ANO3: variants seen among roughly 807,000 people sequenced by gnomAD.
ANO3 encodes the protein anoctamin-3.
A neutral mutation model predicts 144.8 loss-of-function variants in ANO3; 99 were observed. The ratio of observed to expected loss-of-function variants is 0.68; its 90% CI spans 0.58 to 0.81. ANO3 has a LOEUF of 0.81. Among genes scored for constraint, ANO3 ranks in the 30% least tolerant of loss-of-function variants. The probability of loss-of-function intolerance (pLI) is 0.00; values close to 1 mark genes in which losing one functional copy is unlikely to be tolerated. For synonymous variants in ANO3, 414 were observed against 392.6 expected (o/e 1.05, Z -0.64); for missense variants, 905 against 1,202.2 (o/e 0.75, Z 3.66).
intron 1 of ANO3, among the ~76,000 whole-genome samples, chr11:26,340,793 C>G (rs911654870): frequency 6.6e-6 from 1 of 152,154 alleles, no homozygotes; most frequent in Admixed American, 6.5e-5. Flanking sequence ...GTTTTCCTAA[C>G]GCTATCTTCC....
intron 1 of ANO3, among the ~76,000 whole-genome samples, chr11:26,242,164 A>G (rs1564930793): frequency 6.6e-6 from 1 of 152,168 alleles, no homozygotes; most frequent in Non-Finnish European, 1.5e-5. Flanking sequence ...ACAATGTTCA[A>G]ATTAATTAAA....
intron 1 of ANO3, among the ~76,000 whole-genome samples, chr11:26,407,064 G>GTATATATATA (rs1362693401): frequency 3.3e-5 from 2 of 60,046 alleles, no homozygotes; most frequent in East Asian, 7.7e-4. Context: ...GTGTGTGTGT[G>GTATATATATA]TGTGTGTGTG....
At chr11:26,384,636 A>G (rs1342720416) in intron 1 of ANO3, among the ~76,000 whole-genome samples, 1 of 152,164 alleles carries the variant, frequency 6.6e-6, no homozygotes, top group Admixed American at 6.5e-5. Flanking sequence ...TACTCCAAAC[A>G]TATGCCACAT....
intron 10 of ANO3, among the ~76,000 whole-genome samples, chr11:26,540,411 T>C (rs1384211415): frequency 6.6e-6 from 1 of 152,028 alleles, no homozygotes; most frequent in Non-Finnish European, 1.5e-5. Context: ...CTCAATAAAC[T>C]AGGTATTGAT....
intron 14 of ANO3, among the ~76,000 whole-genome samples, chr11:26,591,652 A>G (rs564977679): frequency 6.6e-6 from 1 of 152,300 alleles, no homozygotes; most frequent in South Asian, 2.1e-4. Context: ...TACTGGTAGT[A>G]CAGCAGCATG....
At chr11:26,329,665 C>A (rs1395579682), upstream of ANO3, among the ~76,000 whole-genome samples, 1 of 152,098 alleles carries the variant, frequency 6.6e-6, no homozygotes, top group African/African-American at 2.4e-5. Context: ...AATCTCAACT[C>A]ATTTCTAGTT....
At position 26,656,131 on chromosome 11, in the gene ANO3, G is replaced by A; in HGVS notation, c.2583G>A (p.Leu861=). The A allele has an allele frequency of 6.2e-7, 1 of 1,612,268 alleles. No individual in the cohort carries two copies. The change falls in exon 25 of 27, where the codon TTG becomes TTA. Residue 861 remains leucine (L), a synonymous_variant. Coordinates refer to ENST00000256737, the MANE Select transcript of ANO3 (RefSeq NM_031418.4). ...TATTTTTCTTTTCTCCCAGTTGCTT[G>A]AAGGGATATGTCAACAATAGCCTAT... ...ANHVEPSENC[L]KGYVNNSLSF...
chr11:26,534,690 C>A, intron 9 of ANO3, 128 bp downstream of exon 9: 2 of 592,976 alleles, frequency 3.4e-6, no homozygotes, highest in Non-Finnish European at 2.9e-6. Context: ...ATTGAACACA[C>A]ACTCTATAAG....
At chr11:26,529,540 C>A (rs1177789690) in intron 7 of ANO3, among the ~76,000 whole-genome samples, 1 of 138,444 alleles carries the variant, frequency 7.2e-6, no homozygotes, top group African/African-American at 2.7e-5. Context: ...CTGCCCACTG[C>A]TATACTAATT....
At chr11:26,516,033 A>T (rs1389350758) in intron 5 of ANO3, among the ~76,000 whole-genome samples, 4 of 151,912 alleles carry the variant, frequency 2.6e-5, no homozygotes. Flanking sequence ...CTTATTTTAG[A>T]CTACTGAACA....
chr11:26,455,472 A>G lies in ANO3; in HGVS notation c.314-7558A>G, dbSNP rs528122644. Among the ~76,000 whole-genome samples, 540 of 152,290 alleles carry G rather than the reference A, an allele frequency of 3.5e-3. 2 individuals are homozygous for G. Among genetic ancestry groups the G allele is most frequent in the East Asian group, 7.7e-3 (40 of 5,186 alleles). On this transcript the variant is annotated intron_variant, in intron 3 of 26. Transcript: ENST00000256737. ...AATCATGAGTGAACTCCCATTCACAATTGCTTCAAAGAGAATAAAATACCT... is the reference window on the plus strand; with the variant it reads ...AATCATGAGTGAACTCCCATTCACAGTTGCTTCAAAGAGAATAAAATACCT...
At chr11:26,615,439 G>C (rs1460042649) in intron 17 of ANO3, among the ~76,000 whole-genome samples, 1 of 134,266 alleles carries the variant, frequency 7.4e-6, no homozygotes, top group East Asian at 2.0e-4. Flanking sequence ...GTTCCTCAAT[G>C]GTGTCTTCAC....
rs115239735 is a variant in ANO3 at position 26,395,270 on chromosome 11, T to C, written c.47-46648T>C. Among the ~76,000 whole-genome samples the C allele has an allele frequency of 5.5e-3, 821 of 149,494 alleles. 5 individuals are homozygous for C. The highest frequency in any genetic ancestry group is 0.02 in the African/African-American group (796 of 39,900). On this transcript the variant is annotated intron_variant, in intron 1 of 26. Transcript: ENST00000256737. ...CTTGGCTATATGGGTTCTTTTATGG[T>C]TCCATATGAAATTTCAAGTAGCTTT...
chr11:26,380,936 C>T (rs141378443), intron 1 of ANO3, among the ~76,000 whole-genome samples: 338 of 152,098 alleles, frequency 2.2e-3, no homozygotes, highest in African/African-American at 7.6e-3. Flanking sequence ...GAGCCAAGAT[C>T]GCACCATTGC....
At chr11:26,483,977 G>A (rs749212450) in intron 4 of ANO3, among the ~76,000 whole-genome samples, 18 of 152,196 alleles carry the variant, frequency 1.2e-4, no homozygotes, top group African/African-American at 3.9e-4. Context: ...TTTGTGATGC[G>A]TTAGCAGAGT....
chr11:26,610,295 A>G (rs1430387888), intron 17 of ANO3, among the ~76,000 whole-genome samples: 1 of 137,642 alleles, frequency 7.3e-6, no homozygotes, highest in East Asian at 2.1e-4. Flanking sequence ...TCTGATGACT[A>G]GGGATGTTGA....
chr11:26,554,338 T>C (rs1440304227), intron 13 of ANO3, among the ~76,000 whole-genome samples: 1 of 152,160 alleles, frequency 6.6e-6, no homozygotes, highest in Non-Finnish European at 1.5e-5. Flanking sequence ...ATTATCAAAA[T>C]TTTGGATTGT....
rs1392315130 is a variant in ANO3 at position 26,362,809 on chromosome 11, G to T, written c.46+30488G>T. On this transcript the variant is annotated intron_variant, in intron 1 of 26. Transcript: ENST00000256737. ...TGGTGAGTCTATACCATGAGGGAAGGTGTCATATATACCTTCTTTATAATT... is the reference window on the plus strand; with the variant it reads ...TGGTGAGTCTATACCATGAGGGAAGTTGTCATATATACCTTCTTTATAATT... Among the ~76,000 whole-genome samples the T allele has an allele frequency of 2.0e-5, 3 of 152,058 alleles. No individual in the cohort carries two copies. In the East Asian group the frequency reaches 5.8e-4, roughly 29 times the overall value.
intron 3 of ANO3, among the ~76,000 whole-genome samples, chr11:26,444,072 CCAT>C (rs942291560): frequency 7.9e-5 from 12 of 152,018 alleles, no homozygotes; most frequent in African/African-American, 2.9e-4. Context: ...ACAATTTTTG[CCAT>C]TATTCTGAAA....
Sources: gnomAD v4.1 joint callset for allele counts (sites outside exome capture counted in the v4.1 genomes callset) on GRCh38, gnomAD v4.1.1 for gene constraint, MANE v1.5 for transcripts, NCBI Gene and HGNC (gene_info 2026-07-23, HGNC 2026-07-21) for gene names.